Variants in VGLL1 observed in about 807,000 individuals in gnomAD.
VGLL1 encodes the protein vestigial like family member 1, also known as transcription cofactor vestigial-like protein 1.
In VGLL1, 4 loss-of-function variants were observed where a neutral mutation model predicts 12.0. The observed-to-expected ratio is 0.33, with a 90% CI of 0.16 to 0.76. The LOEUF is 0.76. Among genes scored for constraint, VGLL1 ranks in the 30% least tolerant of loss-of-function variants. The pLI is 0.60. For synonymous variants in VGLL1, 87 were observed against 81.2 expected (o/e 1.07, Z -0.39); for missense variants, 204 against 208.7 (o/e 0.98, Z 0.14).
intron 1 of VGLL1, 64 bp from the exon 2 acceptor site, chrX:136,535,932 C>T (rs2075838358): frequency 1.0e-6 from 1 of 979,491 alleles, no homozygotes. Flanking sequence ...GGACACTGCT[C>T]ACCCAAACCA....
chrX:136,540,844 C>A (rs1293373231), intron 2 of VGLL1, among the ~76,000 whole-genome samples: 1 of 111,745 alleles, frequency 8.9e-6, no homozygotes, highest in Non-Finnish European at 1.9e-5. Flanking sequence ...GCTTTAGAAC[C>A]ACTCAGCATG....
chrX:136,555,202 G>A (rs961034242), intron 4 of VGLL1, among the ~76,000 whole-genome samples: 2 of 112,295 alleles, frequency 1.8e-5, no homozygotes, highest in East Asian at 5.6e-4. Flanking sequence ...AGGCTGTGGA[G>A]AGATCAAATA....
At chrX:136,534,655 T>C (rs993988724) in intron 1 of VGLL1, among the ~76,000 whole-genome samples, 1 of 112,645 alleles carries the variant, frequency 8.9e-6, no homozygotes, top group African/African-American at 3.2e-5. Flanking sequence ...TTATTTCTCT[T>C]GGCTATGTGT....
At position 136,536,182 on chromosome X, in the gene VGLL1, C is replaced by A; in HGVS notation, c.162C>A (p.Ser54Arg). ...HFSRALSNIK[S>R]PQELTPSSQS... is the part of the protein sequence containing the mutation. ...CCAGAGCTCTGAGCAATATCAAGAG[C>A]CCCCAGGAATTGACCCCCTCGAGTC... is the stretch of plus-strand genomic sequence containing the variant. The change falls in exon 2 of 5, where the codon AGC (serine) becomes AGA (arginine). Residue 54 changes from serine to arginine, a missense_variant. Coordinates refer to ENST00000370634, the MANE Select transcript of VGLL1 (RefSeq NM_016267.4). 8.3e-7 allele frequency: 1 copy of A among 1,211,035 alleles called. No homozygotes were observed. The highest frequency in any genetic ancestry group is 1.1e-6 in the Non-Finnish European group (1 of 895,379).
intron 1 of VGLL1, among the ~76,000 whole-genome samples, chrX:136,532,589 CT>C (rs1446617784): frequency 2.5e-5 from 1 of 39,426 alleles, no homozygotes; most frequent in African/African-American, 9.4e-5. Context: ...TTCTTTCTTT[CT>C]TTCTTTCTTT....
chrX:136,555,624 A>G (rs2075898993), intron 4 of VGLL1, among the ~76,000 whole-genome samples: 2 of 111,794 alleles, frequency 1.8e-5, no homozygotes, highest in Non-Finnish European at 3.8e-5. Context: ...AAGTATAGAA[A>G]AGAAAGCTAA....
At chrX:136,532,902 T>A (rs963971599) in intron 1 of VGLL1, among the ~76,000 whole-genome samples, 1 of 109,826 alleles carries the variant, frequency 9.1e-6, no homozygotes, top group East Asian at 2.9e-4. Flanking sequence ...TATGGAAACA[T>A]CTTCTCTGGG....
At chrX:136,550,950 G>A (rs765331460) in intron 4 of VGLL1, 129 bp downstream of exon 4, 2 of 566,725 alleles carry the variant, frequency 3.5e-6, no homozygotes, top group Non-Finnish European at 5.9e-6. Flanking sequence ...ATGGACGGGA[G>A]CCTTATTTCT....
Position 136,536,127 on chromosome X carries a change from A to C in VGLL1, c.107A>C (p.Asp36Ala). The change falls in exon 2 of 5, where the codon GAC becomes GCC. Residue 36 changes from aspartate to alanine, a missense_variant. Physicochemically the swap from Asp to Ala is moderately radical, Grantham distance 126. Transcript: ENST00000370634. ...GTCCTTTTCACCTACTTCCAAGGGGACATCAGCAGCGTAGTGGATGAACAC... is the reference window on the plus strand; with the variant it reads ...GTCCTTTTCACCTACTTCCAAGGGGCCATCAGCAGCGTAGTGGATGAACAC... ...RCVLFTYFQG[D>A]ISSVVDEHFS... The C allele has an allele frequency of 2.5e-6, 3 of 1,211,414 alleles. No homozygotes were observed. Among genetic ancestry groups the C allele is most frequent in the Non-Finnish European group, 3.4e-6 (3 of 895,369 alleles).
intron 1 of VGLL1, among the ~76,000 whole-genome samples, chrX:136,535,441 A>G (rs1387958870): frequency 8.9e-6 from 1 of 111,990 alleles, no homozygotes; most frequent in Non-Finnish European, 1.9e-5. Context: ...GGATGCGGGT[A>G]GGTGTAGGAC....
intron 2 of VGLL1, among the ~76,000 whole-genome samples, chrX:136,538,913 G>T (rs1318265887): frequency 9.1e-6 from 1 of 109,620 alleles, no homozygotes; most frequent in Admixed American, 9.7e-5. Context: ...GGGCAGGAGG[G>T]GGTGGGTGGG....
chrX:136,538,326 G>C (rs756740397), intron 2 of VGLL1, among the ~76,000 whole-genome samples: 24 of 112,318 alleles, frequency 2.1e-4, no homozygotes, highest in Admixed American at 1.6e-3. Flanking sequence ...AATCCAAGCT[G>C]AGTTCATGTT....
intron 2 of VGLL1, among the ~76,000 whole-genome samples, chrX:136,542,603 C>T (rs780783470): frequency 1.8e-4 from 20 of 112,360 alleles, no homozygotes; most frequent in Admixed American, 6.6e-4. Context: ...TCCATTTGTG[C>T]GTTTTTCTGC....
At chrX:136,542,467 A>G (rs1452166395) in intron 2 of VGLL1, among the ~76,000 whole-genome samples, 1 of 112,156 alleles carries the variant, frequency 8.9e-6, no homozygotes, top group East Asian at 2.8e-4. Context: ...AAGACAGGAT[A>G]TGGTTACGTT....
At chrX:136,555,600 T>C (rs1235677269) in intron 4 of VGLL1, among the ~76,000 whole-genome samples, 1 of 111,695 alleles carries the variant, frequency 9.0e-6, no homozygotes, top group African/African-American at 3.3e-5. Flanking sequence ...GAACAGGGGC[T>C]GTTCTGCCAT....
intron 4 of VGLL1, 168 bp downstream of exon 4, chrX:136,550,989 TG>T (rs759898733): frequency 2.6e-5 from 12 of 455,745 alleles, no homozygotes; most frequent in Non-Finnish European, 3.4e-5. Context: ...AGATAGAATT[TG>T]TTTCATTTTA....
At chrX:136,538,213 TGACTTTCACG>T (rs1171181648) in intron 2 of VGLL1, among the ~76,000 whole-genome samples, 1 of 112,408 alleles carries the variant, frequency 8.9e-6, no homozygotes, top group Non-Finnish European at 1.9e-5. Context: ...GGCTGTAGTA[TGACTTTCACG>T]GACCCTGGAC....
intron 4 of VGLL1, among the ~76,000 whole-genome samples, chrX:136,553,843 C>A (rs1001429177): frequency 6.3e-5 from 7 of 111,857 alleles, no homozygotes; most frequent in Middle Eastern, 4.6e-3. Flanking sequence ...GAAGAGTCAT[C>A]AGAGCCAAAA....
At chrX:136,540,106 G>T (rs1322479632) in intron 2 of VGLL1, among the ~76,000 whole-genome samples, 1 of 111,913 alleles carries the variant, frequency 8.9e-6, no homozygotes, top group African/African-American at 3.2e-5. Flanking sequence ...CTCCTAATTG[G>T]TCTCATTGCT....
Sources: gnomAD v4.1 joint callset for allele counts (sites outside exome capture counted in the v4.1 genomes callset) on GRCh38, gnomAD v4.1.1 for gene constraint, MANE v1.5 for transcripts, NCBI Gene and HGNC (gene_info 2026-07-23, HGNC 2026-07-21) for gene names.